TCF7L2: variants seen among roughly 807,000 people sequenced by gnomAD.
TCF7L2 encodes transcription factor 7-like 2.
A neutral mutation model predicts 77.9 loss-of-function variants in TCF7L2; 23 were observed. The observed-to-expected ratio is 0.30, with a 90% CI of 0.21 to 0.42. The LOEUF (loss-of-function observed/expected upper bound fraction) is 0.42. Ranked by LOEUF, TCF7L2 falls within the 10% of genes least tolerant of loss-of-function variation. The pLI, the probability that TCF7L2 is intolerant of heterozygous loss-of-function variation, is 1.00. For synonymous variants in TCF7L2, 413 were observed against 340.2 expected, an observed-to-expected ratio of 1.21 and a Z score of -2.36; for missense variants, 654 against 793.1, an observed-to-expected ratio of 0.82 and a Z score of 2.11.
At chr10:112,954,045 C>T (rs1213500399) in intron 3 of TCF7L2, among the ~76,000 whole-genome samples, 1 of 152,176 alleles carries the variant, frequency 6.6e-6, no homozygotes, top group East Asian at 1.9e-4. Flanking sequence ...GGATGGTAGG[C>T]TGTTGTGTGT....
chr10:113,152,495 A>T lies in TCF7L2; in HGVS notation c.1269+55A>T, dbSNP rs1010932094. On this transcript the variant is annotated intron_variant, in intron 11 of 13. Coordinates refer to ENST00000627217, the MANE Select transcript of TCF7L2 (RefSeq NM_001146274.2). ...GTCTGTAGAGCTGTGTTGTGCGTCT[A>T]TACGGACAAAGAGAACAGGACCTGC... is the stretch of plus-strand genomic sequence containing the variant. 4 of 1,463,182 alleles carry T rather than the reference A, an allele frequency of 2.7e-6. No homozygotes were observed. In the African/African-American group the frequency reaches 4.2e-5, roughly 15 times the overall value. 90.6% of individuals were successfully genotyped at this position (1,463,182 alleles called of 1,614,324 possible).
chr10:113,137,998 T>C (rs935705464), intron 5 of TCF7L2, among the ~76,000 whole-genome samples: 10 of 152,180 alleles, frequency 6.6e-5, no homozygotes, highest in African/African-American at 2.4e-4. Context: ...CCCTCCATCA[T>C]AGAGGATTCC....
intron 4 of TCF7L2, among the ~76,000 whole-genome samples, chr10:112,982,004 T>C (rs1218952406): frequency 6.6e-6 from 1 of 152,224 alleles, no homozygotes; most frequent in Non-Finnish European, 1.5e-5. Flanking sequence ...GGGATTCTTA[T>C]CCCTCTGTCT....
chr10:113,041,813 A>G (rs1442302344), intron 5 of TCF7L2, among the ~76,000 whole-genome samples: 2 of 152,210 alleles, frequency 1.3e-5, no homozygotes, highest in African/African-American at 4.8e-5. Context: ...ATTTCCCAGC[A>G]TGGTCCAGGC....
intron 4 of TCF7L2, among the ~76,000 whole-genome samples, chr10:112,969,371 A>G (rs1204501890): frequency 6.6e-6 from 1 of 152,184 alleles, no homozygotes; most frequent in African/African-American, 2.4e-5. Flanking sequence ...GCTTCAGTGC[A>G]TGCATCCTTC....
intron 5 of TCF7L2, among the ~76,000 whole-genome samples, chr10:113,125,148 C>T (rs1468381752): frequency 6.6e-6 from 1 of 151,868 alleles, no homozygotes; most frequent in Non-Finnish European, 1.5e-5. Context: ...GCTGTCTTTC[C>T]TGAGCCGCTA....
intron 4 of TCF7L2, among the ~76,000 whole-genome samples, chr10:113,009,369 C>G (rs568602410): frequency 3.3e-5 from 5 of 152,356 alleles, no homozygotes; most frequent in Non-Finnish European, 7.3e-5. Context: ...TCACTGCCAT[C>G]TCTTGATCAG....
chr10:113,032,768 T>C (rs2050467854), intron 4 of TCF7L2, among the ~76,000 whole-genome samples: 1 of 152,232 alleles, frequency 6.6e-6, no homozygotes, highest in Non-Finnish European at 1.5e-5. Flanking sequence ...TCCTCCTTGC[T>C]AACAGGTTAG....
chr10:113,117,414 TCTCTCTCTCTCTCTCTC>T (rs2063928432), intron 5 of TCF7L2, among the ~76,000 whole-genome samples: 1 of 41,368 alleles, frequency 2.4e-5, no homozygotes, highest in African/African-American at 1.0e-4. Context: ...TCTCTCTCTC[TCTCTCTCTCTCTCTCTC>T]TCCCTCTCTC....
At chr10:112,993,246 G>A (rs900855173) in intron 4 of TCF7L2, among the ~76,000 whole-genome samples, 7 of 152,096 alleles carry the variant, frequency 4.6e-5, no homozygotes, top group African/African-American at 1.2e-4. Flanking sequence ...CCAGCAAGGC[G>A]CGGTGGCTCA....
intron 4 of TCF7L2, among the ~76,000 whole-genome samples, chr10:112,983,030 T>C (rs752794814): frequency 2.0e-4 from 30 of 152,196 alleles, no homozygotes; most frequent in Non-Finnish European, 3.2e-4. Flanking sequence ...ATGGGACTTA[T>C]AATTATTATT....
intron 5 of TCF7L2, among the ~76,000 whole-genome samples, chr10:113,075,098 C>T (rs1373519771): frequency 6.6e-6 from 1 of 152,198 alleles, no homozygotes; most frequent in Non-Finnish European, 1.5e-5. Flanking sequence ...AAGCAATCTT[C>T]TCACCTTAGT....
chr10:112,961,263 C>CT (rs969166371), intron 3 of TCF7L2, among the ~76,000 whole-genome samples: 1 of 121,130 alleles, frequency 8.3e-6, no homozygotes, highest in Admixed American at 8.0e-5. Context: ...GACCCCCCCC[C>CT]CCCCAACCTC....
intron 4 of TCF7L2, among the ~76,000 whole-genome samples, chr10:113,038,571 C>T (rs549170945): frequency 7.2e-5 from 11 of 152,320 alleles, no homozygotes; most frequent in Admixed American, 3.9e-4. Context: ...TTCTGTCTCT[C>T]GTGGGATTTG....
intron 13 of TCF7L2, chr10:113,161,717 G>A (rs1015179823): frequency 1.3e-5 from 15 of 1,173,324 alleles, no homozygotes; most frequent in Middle Eastern, 3.8e-4. Flanking sequence ...TAGATCAGAT[G>A]TGCATCCCAT....
At chr10:113,010,366 G>A (rs529461202) in intron 4 of TCF7L2, among the ~76,000 whole-genome samples, 2 of 152,222 alleles carry the variant, frequency 1.3e-5, no homozygotes, top group Admixed American at 6.5e-5. Context: ...GCCAATGCCC[G>A]GGGCCCACTT....
chr10:113,051,203 C>CCACACA (rs55771704), intron 5 of TCF7L2, among the ~76,000 whole-genome samples: 6,059 of 140,404 alleles, frequency 0.043, 151 homozygotes, highest in South Asian at 0.071. Flanking sequence ...TGCATACACA[C>CCACACA]CACACACACA....
chr10:113,098,481 TG>T (rs1203536240), intron 5 of TCF7L2, among the ~76,000 whole-genome samples: 9 of 152,068 alleles, frequency 5.9e-5, no homozygotes, highest in Non-Finnish European at 1.3e-4. Flanking sequence ...CCGAGGCAGA[TG>T]GATCACAAGG....
chr10:112,978,104 A>C (rs562057946), intron 4 of TCF7L2, among the ~76,000 whole-genome samples: 1 of 152,240 alleles, frequency 6.6e-6, no homozygotes, highest in Non-Finnish European at 1.5e-5. Context: ...GAGAGAAAGA[A>C]AAAGGACAGC....
Sources: allele counts gnomAD v4.1 joint callset (sites outside exome capture counted in the v4.1 genomes callset), GRCh38; gene constraint gnomAD v4.1.1; transcripts MANE v1.5; gene names NCBI Gene and HGNC (gene_info 2026-07-23, HGNC 2026-07-21).